INPP5D: variants seen among roughly 807,000 people sequenced by gnomAD.
The protein encoded by INPP5D is phosphatidylinositol 3,4,5-trisphosphate 5-phosphatase 1.
In INPP5D, 33 loss-of-function variants were observed where a neutral mutation model predicts 122.9. That is an observed-to-expected ratio of 0.27 (90% CI 0.20 to 0.36). The LOEUF is 0.36. Among genes scored for constraint, INPP5D ranks in the 10% least tolerant of loss-of-function variants. INPP5D has a pLI of 1.00. For synonymous variants in INPP5D, 584 were observed against 576.2 expected (o/e 1.01, Z -0.19); for missense variants, 1,053 against 1,412.7 (o/e 0.75, Z 4.08).
At chr2:233,143,894 T>C (rs1444563056) in intron 6 of INPP5D, among the ~76,000 whole-genome samples, 1 of 148,792 alleles carries the variant, frequency 6.7e-6, no homozygotes, top group African/African-American at 2.5e-5. Context: ...GTGGTAGTGA[T>C]GGTGGAGGTG....
chr2:233,069,667 T>C (rs917791035), intron 1 of INPP5D, among the ~76,000 whole-genome samples: 2 of 152,258 alleles, frequency 1.3e-5, no homozygotes, highest in African/African-American at 2.4e-5. Context: ...AGTTAGGTTT[T>C]CTTCCTAATG....
intron 17 of INPP5D, among the ~76,000 whole-genome samples, chr2:233,175,414 C>T (rs184056460): frequency 1.6e-3 from 240 of 151,924 alleles, no homozygotes; most frequent in Middle Eastern, 3.4e-3. Context: ...CATTTATATA[C>T]GTTCATATAA....
intron 3 of INPP5D, among the ~76,000 whole-genome samples, chr2:233,123,227 G>A (rs1043829497): frequency 9.2e-5 from 14 of 152,134 alleles, no homozygotes; most frequent in Admixed American, 2.6e-4. Flanking sequence ...AAACAGAGGC[G>A]GGCAGATCAC....
rs530727812 is a variant in INPP5D at position 233,193,728 on chromosome 2, G to A, written c.2447-84G>A. On this transcript the variant is annotated intron_variant, in intron 22 of 26. Transcript: ENST00000445964. ...CCCTTGCCTGGGCTATAGTTTCAAA[G>A]GACCAACTCTCCGGCCAAGAGTTTG... is the stretch of plus-strand genomic sequence containing the variant. 5 of 1,606,576 alleles carry A rather than the reference G, an allele frequency of 3.1e-6. No homozygotes were observed. The African/African-American group carries it at 4.0e-5, about 13-fold the overall frequency.
rs890219321 is a variant in INPP5D at position 233,170,046 on chromosome 2, A to G, written c.1673A>G (p.Asn558Ser). ...ATTAGGCGAAACCAAAACTATATGA[A>G]CATTCTCCGGTTCCTGGCCCTGGGC... is the stretch of plus-strand genomic sequence containing the variant. ...KKLRRNQNYM[N>S]ILRFLALGDK... The change falls in exon 15 of 27, where the codon AAC becomes AGC. Residue 558 changes from asparagine (N) to serine (S), a missense_variant. Coordinates refer to ENST00000445964, the MANE Select transcript of INPP5D (RefSeq NM_001017915.3). This position sits in a 1 kb window ranked among gnomAD's most constrained non-coding sequence, Gnocchi z 4.5. The G allele has an allele frequency of 7.4e-6, 12 of 1,613,850 alleles. No homozygotes were observed. The highest frequency in any genetic ancestry group is 1.0e-5 in the Non-Finnish European group (12 of 1,179,886).
intron 4 of INPP5D, among the ~76,000 whole-genome samples, chr2:233,129,204 A>G (rs984068990): frequency 1.3e-5 from 2 of 152,154 alleles, no homozygotes; most frequent in African/African-American, 4.8e-5. Context: ...GAAGGCTTGT[A>G]ATAATTTTTT....
intron 6 of INPP5D, among the ~76,000 whole-genome samples, chr2:233,143,259 G>A (rs1011604236): frequency 2.6e-5 from 4 of 152,148 alleles, no homozygotes; most frequent in African/African-American, 9.7e-5. Flanking sequence ...TTTCAAGCAC[G>A]AACGCCCTGT....
chr2:233,125,639 G>T (rs1693134070), intron 3 of INPP5D, 106 bp from the exon 4 acceptor site: 2 of 977,948 alleles, frequency 2.0e-6, no homozygotes, highest in African/African-American at 1.6e-5. Context: ...GACGCAGATG[G>T]AGATCAATAA....
Position 233,197,625 on chromosome 2 carries a change from C to T in INPP5D, c.2694-470C>T, listed in dbSNP as rs1338200156. ...TTGCCACTGCCGAGAACAGTCTCCC[C>T]TTCTTTCTCTCTTATCTGCTTATCT... On this transcript the variant is annotated intron_variant, in intron 24 of 26. Transcript: ENST00000445964. The surrounding 1 kb of genome is among the most constrained non-coding windows in gnomAD (Gnocchi z 4.4). Among the ~76,000 whole-genome samples, 2 of 152,216 alleles carry T rather than the reference C, an allele frequency of 1.3e-5. No individual in the cohort carries two copies. The highest frequency in any genetic ancestry group is 2.9e-5 in the Non-Finnish European group (2 of 68,040).
In INPP5D at chr2:233,169,354, A is replaced by C; in HGVS notation, c.1605A>C (p.Leu535Phe). The C allele has an allele frequency of 6.2e-7, 1 of 1,605,934 alleles. No homozygotes were observed. The highest frequency in any genetic ancestry group is 8.5e-7 in the Non-Finnish European group (1 of 1,176,214). Residue 535 changes from leucine (L) to phenylalanine (F), a missense_variant, in exon 14 of 27, where the codon TTA (leucine) becomes TTC (phenylalanine). By Grantham distance (22) the Leu-to-Phe change is conservative. Coordinates refer to ENST00000445964, the MANE Select transcript of INPP5D (RefSeq NM_001017915.3). ...GVSFMFNGTS[L>F]GFVNSHLTSG... ...CGTTCATGTTCAATGGAACCTCCTT[A>C]GGGTTCGTCAACAGCCACTTGACTT... is the stretch of plus-strand genomic sequence containing the variant.
chr2:233,072,939 T>C (rs1374562321), intron 1 of INPP5D, among the ~76,000 whole-genome samples: 1 of 152,186 alleles, frequency 6.6e-6, no homozygotes, highest in Non-Finnish European at 1.5e-5. Context: ...TTCCCACCCC[T>C]GAACTGAAGA....
Position 233,158,920 on chromosome 2 carries a change from C to T in INPP5D, c.1137+501C>T, listed in dbSNP as rs568753399. ...ACCTCAGCTGAGGTGAGACAAGTAG[C>T]TGAGACCACAGACACACACCACCAG... On this transcript the variant is annotated intron_variant, in intron 10 of 26. Transcript: ENST00000445964. Among the ~76,000 whole-genome samples the T allele has an allele frequency of 3.9e-5, 6 of 152,256 alleles. No homozygotes were observed. The South Asian group carries it at 8.3e-4, about 21-fold the overall frequency.
chr2:233,172,934 G>T (rs894635477), intron 17 of INPP5D, among the ~76,000 whole-genome samples: 1 of 152,196 alleles, frequency 6.6e-6, no homozygotes, highest in Non-Finnish European at 1.5e-5. Flanking sequence ...ATGGGCTGGG[G>T]GCAGCGGCTC....
Position 233,204,213 on chromosome 2 carries a change from G to A in INPP5D, c.3063G>A (p.Leu1021=), listed in dbSNP as rs753276363. The change falls in exon 26 of 27, where the codon CTG becomes CTA. Residue 1021 remains leucine, a synonymous_variant. Transcript: ENST00000445964. ...AGCCCGAGATGTTTGAGAACCCCCT[G>A]TATGGGTCCCTGAGTTCCTTCCCTA... ...LTKPEMFENP[L]YGSLSSFPKP... is the part of the protein sequence containing the mutation. 20 of 1,613,200 alleles carry A rather than the reference G, an allele frequency of 1.2e-5. No homozygotes were observed. The highest frequency in any genetic ancestry group is 1.6e-4 in the Middle Eastern group (1 of 6,084).
At chr2:233,067,361 T>C (rs1691258595) in intron 1 of INPP5D, among the ~76,000 whole-genome samples, 1 of 152,228 alleles carries the variant, frequency 6.6e-6, no homozygotes. Context: ...TTCATCTGTG[T>C]TGTGGCATGA....
intron 10 of INPP5D, among the ~76,000 whole-genome samples, chr2:233,159,851 G>A (rs999684695): frequency 8.6e-5 from 13 of 152,018 alleles, no homozygotes; most frequent in African/African-American, 1.5e-4. Context: ...CCCAGTCTCC[G>A]CTCCTACTTT....
At chr2:233,135,841 A>G (rs940227861) in intron 5 of INPP5D, among the ~76,000 whole-genome samples, 6 of 152,152 alleles carry the variant, frequency 3.9e-5, no homozygotes, top group Admixed American at 2.0e-4. Flanking sequence ...GAAATTTTAT[A>G]GTCCTGGTGA....
chr2:233,157,483 C>T (rs569918440), intron 9 of INPP5D, among the ~76,000 whole-genome samples: 2 of 151,966 alleles, frequency 1.3e-5, no homozygotes, highest in African/African-American at 4.8e-5. Context: ...ACAAAGTTGT[C>T]TAGAAAAAGA....
chr2:233,075,537 A>ACATG (rs758563925), intron 1 of INPP5D, among the ~76,000 whole-genome samples: 1 of 152,084 alleles, frequency 6.6e-6, no homozygotes, highest in East Asian at 1.9e-4. Context: ...GTACATACAC[A>ACATG]CATGCATGCA....
Sources: allele counts gnomAD v4.1 joint callset (sites outside exome capture counted in the v4.1 genomes callset), GRCh38; gene constraint gnomAD v4.1.1; non-coding constraint Gnocchi (gnomAD v3.1); transcripts MANE v1.5; gene names NCBI Gene and HGNC (gene_info 2026-07-23, HGNC 2026-07-21).